Variants in KHDRBS2 observed in about 807,000 individuals in gnomAD.
KHDRBS2 encodes the protein KH domain-containing, RNA-binding, signal transduction-associated protein 2.
A neutral mutation model predicts 44.3 loss-of-function variants in KHDRBS2; 26 were observed. The ratio of observed to expected loss-of-function variants is 0.59; its 90% CI spans 0.43 to 0.81. KHDRBS2 has a LOEUF of 0.81. KHDRBS2 is among the 40% of genes least tolerant of loss of function. The pLI, the probability that KHDRBS2 is intolerant of heterozygous loss-of-function variation, is 0.00. For missense variants in KHDRBS2, 476 were observed against 433.1 expected (o/e 1.10, Z -0.88); for synonymous variants, 194 against 151.1 (o/e 1.28, Z -2.08).
chr6:61,701,798 T>G (rs1324087911), intron 7 of KHDRBS2, among the ~76,000 whole-genome samples: 1 of 152,062 alleles, frequency 6.6e-6, no homozygotes, highest in Admixed American at 6.6e-5. Context: ...TGTTTTCTTC[T>G]GTTTTTCTAA....
At chr6:61,959,829 A>G (rs1375683685) in intron 4 of KHDRBS2, among the ~76,000 whole-genome samples, 1 of 152,178 alleles carries the variant, frequency 6.6e-6, no homozygotes, top group Non-Finnish European at 1.5e-5. Flanking sequence ...GCTCTACAAT[A>G]AGATATTAAA....
rs535504602 is a variant in KHDRBS2, at chr6:62,095,427, G to C, written c.220-47433C>G. On this transcript the variant is annotated intron_variant, in intron 2 of 8. Transcript: ENST00000281156. Reference sequence around the variant, plus strand: ...TTTTCCTGTACCTTTTCTATGTTTAGATACACAAATACTATTGTGTTACAA... The same window carrying C: ...TTTTCCTGTACCTTTTCTATGTTTACATACACAAATACTATTGTGTTACAA... Among the ~76,000 whole-genome samples, 4 of 151,792 alleles carry C rather than the reference G, an allele frequency of 2.6e-5. No homozygotes were observed. In the East Asian group the frequency reaches 7.7e-4, roughly 29 times the overall value.
intron 6 of KHDRBS2, among the ~76,000 whole-genome samples, chr6:61,830,776 C>T (rs1444079604): frequency 6.6e-6 from 1 of 152,086 alleles, no homozygotes; most frequent in Non-Finnish European, 1.5e-5. Context: ...GGAATACATG[C>T]TTGAGCTTAT....
intron 1 of KHDRBS2, among the ~76,000 whole-genome samples, chr6:62,181,321 T>C (rs1822238698): frequency 6.6e-6 from 1 of 151,878 alleles, no homozygotes; most frequent in Admixed American, 6.6e-5. Context: ...ATATCCAAAA[T>C]ACATAAGGAA....
intron 4 of KHDRBS2, among the ~76,000 whole-genome samples, chr6:61,934,749 TGGGGTAA>T (rs1183388763): frequency 3.9e-5 from 6 of 152,240 alleles, no homozygotes; most frequent in African/African-American, 1.2e-4. Flanking sequence ...AATCCCAAAT[TGGGGTAA>T]CAGGAACTTG....
intron 2 of KHDRBS2, among the ~76,000 whole-genome samples, chr6:62,059,577 T>C (rs1259570855): frequency 1.3e-5 from 2 of 151,762 alleles, no homozygotes; most frequent in Non-Finnish European, 2.9e-5. Context: ...ATTAGAAAGA[T>C]AGTGTACCAT....
chr6:62,275,139 T>C (rs867901540), intron 1 of KHDRBS2, among the ~76,000 whole-genome samples: 3 of 152,214 alleles, frequency 2.0e-5, no homozygotes, highest in Middle Eastern at 6.8e-3. Context: ...CTTTTAATTA[T>C]CATAATGTTT....
At chr6:61,953,492 A>G (rs770816517) in intron 4 of KHDRBS2, among the ~76,000 whole-genome samples, 10 of 152,076 alleles carry the variant, frequency 6.6e-5, no homozygotes, top group Non-Finnish European at 4.4e-5. Context: ...AATTTAGGAA[A>G]ATCGCTATAT....
At chr6:62,116,579 C>T (rs1405095985) in intron 2 of KHDRBS2, among the ~76,000 whole-genome samples, 1 of 152,120 alleles carries the variant, frequency 6.6e-6, no homozygotes, top group Admixed American at 6.6e-5. Flanking sequence ...GAATATCCAT[C>T]ACACCAAATA....
Position 61,680,713 on chromosome 6 carries a change from T to A in KHDRBS2, c.*250A>T. 1 of 283,576 alleles carries A rather than the reference T, an allele frequency of 3.5e-6. No individual in the cohort carries two copies. Among genetic ancestry groups the A allele is most frequent in the Non-Finnish European group, 6.5e-6 (1 of 152,880 alleles). 17.6% of individuals were successfully genotyped at this position (283,576 alleles called of 1,614,324 possible). A position where few individuals can be genotyped will look rare whatever the true frequency, so the allele number is the denominator to read the frequency against. ...AAAAACAACCAAGAGAATATCATCC[T>A]ACTGAAAGGTTTATAGACTATGCTT... On this transcript the variant is annotated 3_prime_UTR_variant, in exon 9 of 9. Transcript: ENST00000281156.
At chr6:61,657,129 C>T in the KHDRBS2 span, among the ~76,000 whole-genome samples, 1 of 151,904 alleles carries the variant, frequency 6.6e-6, no homozygotes, top group African/African-American at 2.4e-5. Flanking sequence ...CAAGCTCCAT[C>T]CTCTGGATCT....
At chr6:61,693,442 A>C (rs556581730) in intron 8 of KHDRBS2, among the ~76,000 whole-genome samples, 1 of 152,266 alleles carries the variant, frequency 6.6e-6, no homozygotes, top group African/African-American at 2.4e-5. Flanking sequence ...AGGATATGAG[A>C]GCAAGAAGAT....
the KHDRBS2 span, among the ~76,000 whole-genome samples, chr6:61,643,202 T>G: frequency 6.6e-6 from 1 of 152,170 alleles, no homozygotes; most frequent in Non-Finnish European, 1.5e-5. Context: ...TCAAAAAGAT[T>G]TGATATGAAA....
rs73487213 is a variant in KHDRBS2, at chr6:62,036,339, T to C, written c.336+11539A>G. Among the ~76,000 whole-genome samples, 1,228 of 152,072 alleles carry C rather than the reference T, an allele frequency of 8.1e-3. 16 individuals are homozygous for C. Among genetic ancestry groups the C allele is most frequent in the African/African-American group, 0.029 (1,188 of 41,508 alleles). ...ATCTTCTATGTCCTATAAGTAATTT[T>C]ACAATATTTAAAGTAATTTAGAAAG... is the stretch of plus-strand genomic sequence containing the variant. On this transcript the variant is annotated intron_variant, in intron 3 of 8. Transcript: ENST00000281156.
intron 4 of KHDRBS2, among the ~76,000 whole-genome samples, chr6:61,974,972 A>G (rs1050674955): frequency 2.0e-5 from 3 of 150,774 alleles, no homozygotes; most frequent in Non-Finnish European, 4.4e-5. Flanking sequence ...AAATAAATAA[A>G]TAAATAAATA....
intron 6 of KHDRBS2, among the ~76,000 whole-genome samples, chr6:61,750,856 T>A (rs750163879): frequency 6.6e-6 from 1 of 152,024 alleles, no homozygotes; most frequent in Non-Finnish European, 1.5e-5. Flanking sequence ...GGAATTTCTA[T>A]GTTTCTAGTT....
At chr6:62,153,710 G>A (rs1584973440) in intron 2 of KHDRBS2, among the ~76,000 whole-genome samples, 2 of 152,098 alleles carry the variant, frequency 1.3e-5, no homozygotes, top group Admixed American at 1.3e-4. Flanking sequence ...GGACCTAGGA[G>A]CAGCTACTGT....
At chr6:61,851,281 A>G (rs1438703032) in intron 6 of KHDRBS2, among the ~76,000 whole-genome samples, 2 of 151,800 alleles carry the variant, frequency 1.3e-5, no homozygotes, top group African/African-American at 2.4e-5. Context: ...ATGTGTGTGT[A>G]TATGTGTGTG....
chr6:62,189,198 A>C (rs1438350615), intron 1 of KHDRBS2, among the ~76,000 whole-genome samples: 1 of 152,058 alleles, frequency 6.6e-6, no homozygotes, highest in Non-Finnish European at 1.5e-5. Context: ...TGTCCTGAGA[A>C]CATTCAATCA....
Sources: gnomAD v4.1 joint callset for allele counts (sites outside exome capture counted in the v4.1 genomes callset) on GRCh38, gnomAD v4.1.1 for gene constraint, MANE v1.5 for transcripts, NCBI Gene and HGNC (gene_info 2026-07-23, HGNC 2026-07-21) for gene names.